Variants in NAV1 observed in about 807,000 individuals in gnomAD.
NAV1 encodes pore membrane and/or filament interacting like protein 3.
A neutral mutation model predicts 175.2 loss-of-function variants in NAV1; 18 were observed. That is an observed-to-expected ratio of 0.10 (90% CI 0.07 to 0.15). The LOEUF (loss-of-function observed/expected upper bound fraction) is 0.15, where lower values mean the gene tolerates loss of function less well. Ranked by LOEUF, NAV1 falls within the 10% of genes least tolerant of loss-of-function variation. The pLI is 1.00. For synonymous variants in NAV1, 897 were observed against 978.7 expected, an observed-to-expected ratio of 0.92 and a Z score of 1.56; for missense variants, 1,731 against 2,436.6, an observed-to-expected ratio of 0.71 and a Z score of 6.10.
intron 15 of NAV1, among the ~76,000 whole-genome samples, chr1:201,799,860 C>CAA (rs548818131): frequency 1.3e-5 from 1 of 77,174 alleles, no homozygotes; most frequent in Non-Finnish European, 2.8e-5. Flanking sequence ...AACTTCATCT[C>CAA]AAAAAAAAAA....
At chr1:201,746,143 T>C (rs1039328736) in intron 3 of NAV1, among the ~76,000 whole-genome samples, 1 of 152,022 alleles carries the variant, frequency 6.6e-6, no homozygotes, top group African/African-American at 2.4e-5. Flanking sequence ...TTTAGACATA[T>C]CTATATATAT....
At position 201,712,873 on chromosome 1, in the gene NAV1, C is replaced by T. The variant is rs570232872; in HGVS notation, c.814C>T (p.Leu272=). ...GAATGTCCTGGATCTCCGGCAGAAC[C>T]TGGAAGAGACCATGTCCAGCCTGCG... Residue 272 remains leucine, a synonymous_variant, in exon 2 of 30, where the codon CTG becomes TTG. Coordinates refer to ENST00000367296, the Ensembl canonical transcript of NAV1. 5.0e-6 allele frequency: 8 copies of T among 1,614,102 alleles called. No individual in the cohort carries two copies. In the East Asian group the frequency reaches 1.6e-4, roughly 31 times the overall value.
In NAV1 at chr1:201,624,920, C is replaced by A. The variant is rs1668287745; in HGVS notation, c.-101+1314C>A. 3.3e-5 allele frequency among the ~76,000 whole-genome samples: 5 copies of A among 152,124 alleles called. No individual in the cohort carries two copies. The South Asian group carries it at 1.0e-3, about 32-fold the overall frequency. Reference sequence around the variant, plus strand: ...GCGGCTGGAGGTGGGGGTAGGGAACCACTAGGAGCTTTAACCTTCAGCAGA... The same window carrying A: ...GCGGCTGGAGGTGGGGGTAGGGAACAACTAGGAGCTTTAACCTTCAGCAGA... On this transcript the variant is annotated intron_variant, in intron 1 of 29. Transcript: ENST00000367302.
At chr1:201,616,687 A>G (rs2102266381) in intron 2 of NAV1, among the ~76,000 whole-genome samples, 1 of 152,192 alleles carries the variant, frequency 6.6e-6, no homozygotes, top group African/African-American at 2.4e-5. Flanking sequence ...GGGTTTCTCC[A>G]TGTTGGTCAG....
chr1:201,769,211 A>G (rs1342794360), intron 3 of NAV1, among the ~76,000 whole-genome samples: 4 of 152,224 alleles, frequency 2.6e-5, no homozygotes, highest in Non-Finnish European at 4.4e-5. Flanking sequence ...CACTTGCACT[A>G]TGAAAAATGT....
intron 14 of NAV1, 79 bp downstream of exon 18, chr1:201,793,954 C>A: frequency 8.0e-7 from 1 of 1,256,086 alleles, no homozygotes. Context: ...AGCTGACCAT[C>A]TGTTCTTGCT....
At position 201,623,054 on chromosome 1, in the gene NAV1, G is replaced by A. The variant is rs1029106014; in HGVS notation, c.-653G>A. On this transcript the variant is annotated 5_prime_UTR_variant, in exon 1 of 30. Coordinates refer to the NAV1 transcript ENST00000367302. ...AGCCCACAGAGAGCAGCCTCCCCCA[G>A]ACTGGGAAAGGCTGCAGGTCCTTCT... is the stretch of plus-strand genomic sequence containing the variant. The A allele has an allele frequency of 8.1e-6, 8 of 985,834 alleles. No homozygotes were observed. The African/African-American group carries it at 1.2e-4, about 15-fold the overall frequency. 61.1% of individuals were successfully genotyped at this position (985,834 alleles called of 1,614,324 possible). A position where few individuals can be genotyped will look rare whatever the true frequency, so the allele number is the denominator to read the frequency against.
intron 2 of NAV1, among the ~76,000 whole-genome samples, chr1:201,596,911 C>T (rs866767586): frequency 7.2e-5 from 11 of 152,112 alleles, no homozygotes; most frequent in Admixed American, 1.3e-4. Context: ...CTGCAACCTC[C>T]GCCTCCTGGG....
chr1:201,629,608 C>T (rs1316708712), intron 2 of NAV1, 101 bp downstream of exon 4: 4 of 673,174 alleles, frequency 5.9e-6, no homozygotes, highest in African/African-American at 1.9e-5. Context: ...GGGTCCATCT[C>T]TTGACAAGGA....
intron 1 of NAV1, among the ~76,000 whole-genome samples, chr1:201,663,687 TG>T (rs562952480): frequency 7.4e-4 from 113 of 152,282 alleles, no homozygotes; most frequent in African/African-American, 2.6e-3. Flanking sequence ...TCTTCTCTCA[TG>T]GGGGAACAGG....
chr1:201,672,007 C>T (rs1212627898), intron 1 of NAV1, among the ~76,000 whole-genome samples: 1 of 152,166 alleles, frequency 6.6e-6, no homozygotes, highest in Non-Finnish European at 1.5e-5. Context: ...AGCAGTGTCC[C>T]GTCTCTCCTC....
chr1:201,808,301 T>G lies in NAV1; in HGVS notation c.3846-117T>G, dbSNP rs1296768244. On this transcript the variant is annotated intron_variant, in intron 18 of 29. Transcript: ENST00000367296. The surrounding 1 kb of genome is among the most constrained non-coding windows in gnomAD (Gnocchi z 5.5). ...ACCAACAGATGGACCTTTCTTCTCA[T>G]GCTGATTGAATATCAATGGGCAGGA... is the stretch of plus-strand genomic sequence containing the variant. 7 of 1,398,416 alleles carry G rather than the reference T, an allele frequency of 5.0e-6. No individual in the cohort carries two copies. The East Asian group carries it at 1.6e-4, about 32-fold the overall frequency. 86.6% of individuals were successfully genotyped at this position (1,398,416 alleles called of 1,614,324 possible). A position where few individuals can be genotyped will look rare whatever the true frequency, so the allele number is the denominator to read the frequency against.
chr1:201,694,831 AC>A lies in NAV1; in HGVS notation c.758-17984del. On this transcript the variant is annotated intron_variant, in intron 1 of 29. Coordinates refer to ENST00000367296, the Ensembl canonical transcript of NAV1. The surrounding 1 kb of genome is among the most constrained non-coding windows in gnomAD (Gnocchi z 4.2). ...CCAGCCCTGCTGCTTTGTAACTGAG[AC>A]CTAAATCAAATTGCTTATCAGTCTC... is the stretch of plus-strand genomic sequence containing the variant. 6.6e-6 allele frequency among the ~76,000 whole-genome samples: 1 copy of A among 152,282 alleles called. No individual in the cohort carries two copies. The highest frequency in any genetic ancestry group is 2.1e-4 in the South Asian group (1 of 4,818).
At chr1:201,576,708 A>G (rs898195373) in intron 1 of NAV1, among the ~76,000 whole-genome samples, 1 of 152,240 alleles carries the variant, frequency 6.6e-6, no homozygotes, top group Non-Finnish European at 1.5e-5. Context: ...GAAACTGCCA[A>G]ATCACTTTCC....
At chr1:201,781,830 A>G (rs1047151379) in intron 5 of NAV1, among the ~76,000 whole-genome samples, 1 of 152,008 alleles carries the variant, frequency 6.6e-6, no homozygotes, top group Non-Finnish European at 1.5e-5. Flanking sequence ...ATATTGTCAT[A>G]CTCTATTCCA....
At chr1:201,589,626 G>A (rs1261415901) in intron 2 of NAV1, among the ~76,000 whole-genome samples, 1 of 152,034 alleles carries the variant, frequency 6.6e-6, no homozygotes, top group Non-Finnish European at 1.5e-5. Flanking sequence ...TGTGTAGCTG[G>A]GACCACAGGC....
intron 1 of NAV1, among the ~76,000 whole-genome samples, chr1:201,705,109 G>A (rs576946859): frequency 6.6e-6 from 1 of 152,084 alleles, no homozygotes; most frequent in Non-Finnish European, 1.5e-5. Context: ...ATAAGCTACT[G>A]CCCCTCACCC....
chr1:201,589,196 A>G lies in NAV1; in HGVS notation c.-33+547A>G, dbSNP rs1037307670. ...TTGAATCATATCTCCATTTTTTAGAAAGAAATCTATTCAGCCCCACACTTC... is the reference window on the plus strand; with the variant it reads ...TTGAATCATATCTCCATTTTTTAGAGAGAAATCTATTCAGCCCCACACTTC... On this transcript the variant is annotated intron_variant, in intron 2 of 33. Coordinates refer to the NAV1 transcript ENST00000685211. 7.2e-5 allele frequency among the ~76,000 whole-genome samples: 11 copies of G among 152,182 alleles called. 1 individual carries two copies. The highest frequency in any genetic ancestry group is 6.5e-4 in the Admixed American group (10 of 15,270).
chr1:201,752,207 G>A (rs570561046), intron 3 of NAV1, among the ~76,000 whole-genome samples: 8 of 148,054 alleles, frequency 5.4e-5, no homozygotes, highest in African/African-American at 2.0e-4. Flanking sequence ...GAAGGCAAGA[G>A]GTCTATAAAA....
Sources: gnomAD v4.1 joint callset for allele counts (sites outside exome capture counted in the v4.1 genomes callset) on GRCh38, gnomAD v4.1.1 for gene constraint, Gnocchi (gnomAD v3.1) non-coding constraint, MANE v1.5 for transcripts, NCBI Gene and HGNC (gene_info 2026-07-23, HGNC 2026-07-21) for gene names.